KLHL32: variants seen among roughly 807,000 people sequenced by gnomAD.
KLHL32 encodes kelch like family member 32.
KLHL32 carries 35 observed loss-of-function variants against 64.8 expected under a neutral mutation model. The ratio of observed to expected loss-of-function variants is 0.54; its 90% CI spans 0.41 to 0.72. KLHL32 has a LOEUF of 0.72. Among genes scored for constraint, KLHL32 ranks in the 30% least tolerant of loss-of-function variants. The pLI is 0.00. For missense variants in KLHL32, 589 were observed against 768.5 expected (o/e 0.77, Z 2.76); for synonymous variants, 259 against 281.0 (o/e 0.92, Z 0.78).
At position 97,025,051 on chromosome 6, in the gene KLHL32, A is replaced by T. The variant is rs956111662; in HGVS notation, c.205-16441A>T. The T allele has an allele frequency of 7.1e-6, 7 of 985,124 alleles. No homozygotes were observed. In the African/African-American group the frequency reaches 1.2e-4, roughly 17 times the overall value. The allele number at this position is 985,124 out of a possible 1,614,324, so 61.0% of individuals were successfully genotyped here. On this transcript the variant is annotated intron_variant, in intron 3 of 10. Transcript: ENST00000369261. ...AGACCACATGTTTAAAGGATAATAA[A>T]GCTGATGGAATTTTTAAACTCTTAA...
chr6:96,905,428 T>A, the KLHL32 span, among the ~76,000 whole-genome samples: 3 of 152,198 alleles, frequency 2.0e-5, no homozygotes, highest in Middle Eastern at 3.2e-3. Flanking sequence ...CCTTTGTAAC[T>A]GTCTCTGATT....
chr6:97,139,171 A>G lies in KLHL32; in HGVS notation c.1752A>G (p.Thr584=), dbSNP rs749926288. The G allele has an allele frequency of 1.1e-5, 17 of 1,613,790 alleles. No individual in the cohort carries two copies. The highest frequency in any genetic ancestry group is 4.5e-5 in the East Asian group (2 of 44,860). Residue 584 remains threonine (T), a synonymous_variant, in exon 11 of 11, where the codon ACA becomes ACG. Coordinates refer to ENST00000369261, the MANE Select transcript of KLHL32 (RefSeq NM_052904.4). ...AAGAAGAAGTATTCTATGGGCCTAC[A>G]CTCCCTTTTGCTTCCAATGGAATAG... ...EGKEEVFYGP[T]LPFASNGIAA...
At chr6:96,961,488 C>G (rs999316938) in intron 1 of KLHL32, among the ~76,000 whole-genome samples, 1 of 152,076 alleles carries the variant, frequency 6.6e-6, no homozygotes, top group African/African-American at 2.4e-5. Context: ...TTTCCTACCC[C>G]TTTTGTTACT....
At chr6:97,071,638 C>G (rs1012429615) in intron 5 of KLHL32, among the ~76,000 whole-genome samples, 2 of 152,134 alleles carry the variant, frequency 1.3e-5, no homozygotes, top group African/African-American at 4.8e-5. Flanking sequence ...TCCTCATCCT[C>G]CCTGTCTTTG....
chr6:97,019,804 G>A (rs991919555), intron 3 of KLHL32, among the ~76,000 whole-genome samples: 3 of 151,922 alleles, frequency 2.0e-5, no homozygotes, highest in African/African-American at 4.8e-5. Flanking sequence ...TTTTTGAGAC[G>A]GAGTCTCCCT....
Position 97,131,246 on chromosome 6 carries a change from G to T in KLHL32, c.1606+297G>T, listed in dbSNP as rs1457599059. 2.0e-5 allele frequency among the ~76,000 whole-genome samples: 3 copies of T among 152,172 alleles called. No individual in the cohort carries two copies. The East Asian group carries it at 5.8e-4, about 29-fold the overall frequency. The stretch of plus-strand genomic sequence containing the variant: ...GTGTTAAGATGGAACTCTGATACAA[G>T]TAGGAGGAACCAGACACTGAAGGAT... On this transcript the variant is annotated intron_variant, in intron 9 of 10. Coordinates refer to ENST00000369261, the MANE Select transcript of KLHL32 (RefSeq NM_052904.4).
intron 2 of KLHL32, among the ~76,000 whole-genome samples, chr6:96,969,044 C>T (rs1349910384): frequency 6.6e-6 from 1 of 152,110 alleles, no homozygotes; most frequent in African/African-American, 2.4e-5. Flanking sequence ...GGTCATTGTC[C>T]TTTATTCACT....
chr6:96,940,018 TGACTCCTA>T (rs1771093701), intron 1 of KLHL32, among the ~76,000 whole-genome samples: 1 of 152,154 alleles, frequency 6.6e-6, no homozygotes, highest in Non-Finnish European at 1.5e-5. Flanking sequence ...AGAAACCTGA[TGACTCCTA>T]CATGGGCGTA....
intron 1 of KLHL32, among the ~76,000 whole-genome samples, chr6:96,930,276 AT>A (rs774587870): frequency 3.9e-5 from 6 of 152,160 alleles, no homozygotes; most frequent in Non-Finnish European, 8.8e-5. Context: ...ATTATTTATG[AT>A]TTTTAGTTCT....
At chr6:96,988,982 A>C (rs1016565205) in intron 3 of KLHL32, among the ~76,000 whole-genome samples, 1 of 152,210 alleles carries the variant, frequency 6.6e-6, no homozygotes, top group Non-Finnish European at 1.5e-5. Flanking sequence ...GAGGGATAGC[A>C]TTAGGAGATA....
intron 3 of KLHL32, among the ~76,000 whole-genome samples, chr6:97,001,236 T>A (rs1778992789): frequency 6.6e-6 from 1 of 152,180 alleles, no homozygotes; most frequent in African/African-American, 2.4e-5. Context: ...TGGTGGGGCA[T>A]GTTGATGGAG....
chr6:96,926,661 A>G (rs1355387283), intron 1 of KLHL32, among the ~76,000 whole-genome samples: 1 of 152,158 alleles, frequency 6.6e-6, no homozygotes, highest in Non-Finnish European at 1.5e-5. Context: ...GGCCTAGACA[A>G]GACACGTGGG....
At chr6:97,035,217 C>G (rs775960727) in intron 3 of KLHL32, among the ~76,000 whole-genome samples, 1 of 152,062 alleles carries the variant, frequency 6.6e-6, no homozygotes, top group Non-Finnish European at 1.5e-5. Context: ...AAGTTCATAA[C>G]AACTTAACTG....
At chr6:96,980,525 T>C (rs1409600497) in intron 3 of KLHL32, among the ~76,000 whole-genome samples, 1 of 152,160 alleles carries the variant, frequency 6.6e-6, no homozygotes, top group African/African-American at 2.4e-5. Flanking sequence ...TTGATTGTGG[T>C]GGATTAGCTT....
intron 4 of KLHL32, among the ~76,000 whole-genome samples, chr6:97,051,227 A>G (rs1286635822): frequency 1.3e-5 from 2 of 152,112 alleles, no homozygotes; most frequent in South Asian, 2.1e-4. Flanking sequence ...TGTTTTAACC[A>G]TATCTCCCTT....
chr6:97,037,888 C>T (rs1784533523), intron 3 of KLHL32, among the ~76,000 whole-genome samples: 2 of 152,154 alleles, frequency 1.3e-5, no homozygotes, highest in Non-Finnish European at 1.5e-5. Context: ...GACAACTCAT[C>T]TTTGCAAAGG....
At chr6:96,990,135 G>A (rs1200988496) in intron 3 of KLHL32, among the ~76,000 whole-genome samples, 1 of 152,190 alleles carries the variant, frequency 6.6e-6, no homozygotes, top group Non-Finnish European at 1.5e-5. Flanking sequence ...TGGGGAACTA[G>A]TGCAGTTGTT....
At chr6:96,988,493 T>G (rs929914158) in intron 3 of KLHL32, among the ~76,000 whole-genome samples, 6 of 152,152 alleles carry the variant, frequency 3.9e-5, no homozygotes, top group African/African-American at 1.4e-4. Context: ...GGAACACTTT[T>G]ACACTGTTGG....
intron 3 of KLHL32, among the ~76,000 whole-genome samples, chr6:96,982,719 C>A (rs899022213): frequency 6.6e-6 from 1 of 152,142 alleles, no homozygotes; most frequent in Non-Finnish European, 1.5e-5. Flanking sequence ...GTGATTTTTG[C>A]ACATTGATTT....
Sources: gnomAD v4.1 joint callset for allele counts (sites outside exome capture counted in the v4.1 genomes callset) on GRCh38, gnomAD v4.1.1 for gene constraint, MANE v1.5 for transcripts, NCBI Gene and HGNC (gene_info 2026-07-23, HGNC 2026-07-21) for gene names.